CPPED1: variants seen among roughly 807,000 people sequenced by gnomAD.
The protein encoded by CPPED1 is serine/threonine-protein phosphatase CPPED1.
In CPPED1, 28 loss-of-function variants were observed where a neutral mutation model predicts 28.0. The observed-to-expected ratio is 1.00, with a 90% CI of 0.74 to 1.37. CPPED1 has a LOEUF of 1.37. Ranked by LOEUF, CPPED1 falls within the 40% of genes most tolerant of loss-of-function variation. The pLI is 0.00. For missense variants in CPPED1, 504 were observed against 416.5 expected (o/e 1.21, Z -1.83); for synonymous variants, 198 against 180.2 (o/e 1.10, Z -0.79).
In CPPED1 at chr16:12,803,886, T is replaced by TAGGGG; in HGVS notation, c.-111_-110insCCCCT. ...CCGCTTTGGGCGACGCCCTTTGATC[T>TAGGGG]CGGGGCGGGACTGGGGCGGGACGGG... On this transcript the variant is annotated 5_prime_UTR_variant, in exon 1 of 4. Transcript: ENST00000381774. 1 of 698,076 alleles carries TAGGGG rather than the reference T, an allele frequency of 1.4e-6. No homozygotes were observed. Among genetic ancestry groups the TAGGGG allele is most frequent in the Non-Finnish European group, 2.2e-6 (1 of 462,346 alleles). 43.2% of individuals were successfully genotyped at this position (698,076 alleles called of 1,614,324 possible). A position where few individuals can be genotyped will look rare whatever the true frequency, so the allele number is the denominator to read the frequency against.
intron 2 of CPPED1, among the ~76,000 whole-genome samples, chr16:12,763,559 TTATA>T (rs1303986066): frequency 1.3e-5 from 2 of 152,320 alleles, no homozygotes. Context: ...CTAAGCACTT[TTATA>T]GATTATTTCA....
At chr16:12,679,547 C>A (rs1024288210) in intron 3 of CPPED1, among the ~76,000 whole-genome samples, 7 of 152,044 alleles carry the variant, frequency 4.6e-5, no homozygotes, top group African/African-American at 1.7e-4. Flanking sequence ...AGATATAGAT[C>A]TAAAGAAACA....
chr16:12,791,222 G>T (rs8063663), intron 1 of CPPED1, among the ~76,000 whole-genome samples: 8 of 151,478 alleles, frequency 5.3e-5, no homozygotes, highest in African/African-American at 1.9e-4. Context: ...CCTTGCCCCC[G>T]ACCTCCCAAC....
intron 2 of CPPED1, chr16:12,753,333 T>C (rs1433113260): frequency 6.6e-6 from 1 of 152,168 alleles, no homozygotes; most frequent in Non-Finnish European, 1.5e-5. Flanking sequence ...TATTTTGATG[T>C]CAACGCATCT....
intron 1 of CPPED1, among the ~76,000 whole-genome samples, chr16:12,794,643 A>G (rs1436229270): frequency 1.3e-5 from 2 of 152,166 alleles, no homozygotes; most frequent in Non-Finnish European, 2.9e-5. Context: ...CCTAATCTGT[A>G]AAATCTGAAA....
chr16:12,703,477 T>C (rs1235064804), intron 3 of CPPED1, among the ~76,000 whole-genome samples: 1 of 151,544 alleles, frequency 6.6e-6, no homozygotes, highest in African/African-American at 2.4e-5. Flanking sequence ...GGGTCAGGAG[T>C]TTGGAACCAG....
intron 3 of CPPED1, among the ~76,000 whole-genome samples, chr16:12,691,629 A>G (rs958815871): frequency 6.6e-6 from 1 of 152,176 alleles, no homozygotes; most frequent in South Asian, 2.1e-4. Context: ...AATACTATGC[A>G]GCCATAAAAA....
intron 2 of CPPED1, among the ~76,000 whole-genome samples, chr16:12,771,258 G>C (rs77000264): frequency 0.018 from 2,731 of 152,190 alleles, 91 homozygotes; most frequent in African/African-American, 0.062. Flanking sequence ...AATAGTGCCT[G>C]GTGCAAAGTA....
chr16:12,704,528 C>T, intron 3 of CPPED1, 96 bp downstream of exon 3: 1 of 1,338,868 alleles, frequency 7.5e-7, no homozygotes, highest in Middle Eastern at 2.0e-4. Flanking sequence ...TCCTCTCTCC[C>T]TTTTTGACAC....
chr16:12,734,500 C>T (rs925859101), intron 2 of CPPED1, among the ~76,000 whole-genome samples: 1 of 152,180 alleles, frequency 6.6e-6, no homozygotes, highest in Non-Finnish European at 1.5e-5. Context: ...CTGCCTCAGC[C>T]TCCCAAGTAG....
chr16:12,703,009 T>G (rs1278955133), intron 3 of CPPED1, among the ~76,000 whole-genome samples: 1 of 97,160 alleles, frequency 1.0e-5, no homozygotes. Context: ...CGGGACTCCG[T>G]CTCAAAAAAA....
intron 1 of CPPED1, among the ~76,000 whole-genome samples, chr16:12,795,673 C>G (rs114205633): frequency 0.012 from 1,825 of 152,336 alleles, 39 homozygotes; most frequent in African/African-American, 0.041. Context: ...ACACCTTGGT[C>G]TCAGCTTTGT....
At chr16:12,785,312 C>T (rs1234187678) in intron 1 of CPPED1, among the ~76,000 whole-genome samples, 1 of 152,110 alleles carries the variant, frequency 6.6e-6, no homozygotes, top group East Asian at 1.9e-4. Flanking sequence ...TACAGTGGCA[C>T]AGTCATGGCT....
intron 2 of CPPED1, among the ~76,000 whole-genome samples, chr16:12,763,071 A>G (rs1270261085): frequency 6.6e-6 from 1 of 151,956 alleles, no homozygotes; most frequent in African/African-American, 2.4e-5. Flanking sequence ...TCTATTCTAA[A>G]AAATACAAAA....
chr16:12,747,876 A>G (rs1261868738), intron 2 of CPPED1, among the ~76,000 whole-genome samples: 1 of 152,130 alleles, frequency 6.6e-6, no homozygotes, highest in African/African-American at 2.4e-5. Context: ...CTACTGAAAA[A>G]CTGTTCACTG....
At position 12,752,491 on chromosome 16, in the gene CPPED1, C is replaced by A. The variant is rs139184088; in HGVS notation, c.289+28694G>T. Among the ~76,000 whole-genome samples, 34 of 152,040 alleles carry A rather than the reference C, an allele frequency of 2.2e-4. No individual in the cohort carries two copies. In the East Asian group the frequency reaches 4.8e-3, roughly 22 times the overall value. On this transcript the variant is annotated intron_variant, in intron 2 of 3. Transcript: ENST00000381774. ...TTTAGATTGTTGGGAATAAATCAATCTGTGTCAGCTCTGAGTAGATCAAAT... is the reference window on the plus strand; with the variant it reads ...TTTAGATTGTTGGGAATAAATCAATATGTGTCAGCTCTGAGTAGATCAAAT...
At chr16:12,743,606 G>A (rs899033956) in intron 2 of CPPED1, among the ~76,000 whole-genome samples, 8 of 152,208 alleles carry the variant, frequency 5.3e-5, no homozygotes, top group Admixed American at 4.6e-4. Context: ...AATACACAAA[G>A]TACTCTAAGT....
At chr16:12,759,967 T>C (rs2141225876) in intron 2 of CPPED1, among the ~76,000 whole-genome samples, 1 of 152,292 alleles carries the variant, frequency 6.6e-6, no homozygotes, top group African/African-American at 2.4e-5. Flanking sequence ...AAAGGACAAA[T>C]GGACAACCAC....
At chr16:12,790,285 T>C (rs1474600055) in intron 1 of CPPED1, among the ~76,000 whole-genome samples, 3 of 152,242 alleles carry the variant, frequency 2.0e-5, no homozygotes, top group Non-Finnish European at 2.9e-5. Flanking sequence ...TGCTAATACA[T>C]TTCCTCTCTC....
Sources: allele counts gnomAD v4.1 joint callset (sites outside exome capture counted in the v4.1 genomes callset), GRCh38; gene constraint gnomAD v4.1.1; transcripts MANE v1.5; gene names NCBI Gene and HGNC (gene_info 2026-07-23, HGNC 2026-07-21).